Variants in LINGO1 observed in about 807,000 individuals in gnomAD.
The protein encoded by LINGO1 is leucine-rich repeat and immunoglobulin-like domain-containing nogo receptor-interacting protein 1.
In LINGO1, 11 loss-of-function variants were observed where a neutral mutation model predicts 37.3. That is an observed-to-expected ratio of 0.29 (90% CI 0.19 to 0.49). The LOEUF is 0.49. LINGO1 is among the 20% of genes least tolerant of loss of function. The pLI, the probability that LINGO1 is intolerant of heterozygous loss-of-function variation, is 0.99. For missense variants in LINGO1, 585 were observed against 878.2 expected (o/e 0.67, Z 4.22); for synonymous variants, 387 against 403.0 (o/e 0.96, Z 0.48).
chr15:77,802,300 C>G (rs2076926321), intron 1 of LINGO1, among the ~76,000 whole-genome samples: 1 of 151,836 alleles, frequency 6.6e-6, no homozygotes, highest in Non-Finnish European at 1.5e-5. Flanking sequence ...TTGTCACTCT[C>G]GGGGATGACA....
In LINGO1 at chr15:77,756,882, G is replaced by A. The variant is rs144282750; in HGVS notation, c.-256-21829C>T. 6.0e-4 allele frequency among the ~76,000 whole-genome samples: 92 copies of A among 152,166 alleles called. 1 individual carries two copies. The East Asian group carries it at 0.016, about 27-fold the overall frequency. On this transcript the variant is annotated intron_variant, in intron 1 of 3. Coordinates refer to the LINGO1 transcript ENST00000561686. ...CCCCAATGCCAACGTGCACCACCTCGCACACAGACTCATCCATGTTCACAC... is the reference window on the plus strand; with the variant it reads ...CCCCAATGCCAACGTGCACCACCTCACACACAGACTCATCCATGTTCACAC...
At chr15:77,700,584 G>A (rs1028380555), upstream of LINGO1, among the ~76,000 whole-genome samples, 4 of 152,230 alleles carry the variant, frequency 2.6e-5, no homozygotes, top group Admixed American at 2.0e-4. Context: ...TGGAGGAGGT[G>A]ACTGGGGCCC....
At chr15:77,725,201 G>A (rs999131457) in intron 2 of LINGO1, among the ~76,000 whole-genome samples, 5 of 152,224 alleles carry the variant, frequency 3.3e-5, no homozygotes. Context: ...GGGGAATTCA[G>A]CCATGGGGGT....
intron 1 of LINGO1, among the ~76,000 whole-genome samples, chr15:77,776,533 G>GGAGA (rs2076653891): frequency 7.2e-6 from 1 of 138,944 alleles, no homozygotes; most frequent in Admixed American, 7.4e-5. Context: ...AGGAAGGGAG[G>GGAGA]GAGGGAGGGA....
intron 1 of LINGO1, among the ~76,000 whole-genome samples, chr15:77,747,587 G>A (rs1407844053): frequency 6.6e-6 from 1 of 152,182 alleles, no homozygotes; most frequent in Non-Finnish European, 1.5e-5. Flanking sequence ...AGCACACTCA[G>A]AACAGATCCC....
intron 2 of LINGO1, among the ~76,000 whole-genome samples, chr15:77,702,513 C>G (rs946599343): frequency 4.6e-5 from 7 of 152,204 alleles, no homozygotes; most frequent in Non-Finnish European, 7.4e-5. Flanking sequence ...CAACAAAACA[C>G]AGGCTGCATG....
chr15:77,722,307 A>G (rs2076058818), intron 2 of LINGO1, among the ~76,000 whole-genome samples: 2 of 152,210 alleles, frequency 1.3e-5, no homozygotes, highest in African/African-American at 4.8e-5. Context: ...AGGCCCAGGA[A>G]CTAGACTGTC....
chr15:77,653,068 G>A (rs368948863), intron 3 of LINGO1, among the ~76,000 whole-genome samples: 4 of 152,208 alleles, frequency 2.6e-5, no homozygotes, highest in East Asian at 3.8e-4. Flanking sequence ...GTCAAAGGTG[G>A]GGACACGGAC....
At chr15:77,627,024 C>A (rs1446884212) in intron 1 of LINGO1, among the ~76,000 whole-genome samples, 1 of 151,260 alleles carries the variant, frequency 6.6e-6, no homozygotes, top group East Asian at 1.9e-4. Context: ...AGGCCCCCAC[C>A]CCCTCCCAGA....
rs985923865 is a variant in LINGO1 at position 77,803,787 on chromosome 15, T to C, written c.-457-7734A>G. ...GCCATGAGTAAAAGCTCCTGAGGCCTCCCCAGAAGCTGAGCAGATGTTGCC... is the reference window on the plus strand; with the variant it reads ...GCCATGAGTAAAAGCTCCTGAGGCCCCCCCAGAAGCTGAGCAGATGTTGCC... On this transcript the variant is annotated intron_variant, in intron 1 of 5. Coordinates refer to the LINGO1 transcript ENST00000562933. Among the ~76,000 whole-genome samples, 32 of 152,280 alleles carry C rather than the reference T, an allele frequency of 2.1e-4. No individual in the cohort carries two copies. In the East Asian group the frequency reaches 6.0e-3, roughly 28 times the overall value.
At chr15:77,671,525 G>A (rs76524871) in intron 3 of LINGO1, among the ~76,000 whole-genome samples, 2,228 of 152,332 alleles carry the variant, frequency 0.015, 55 homozygotes, top group African/African-American at 0.051. Context: ...TCAGTGCCCC[G>A]GGGCAGAGTG....
At chr15:77,628,329 TA>T (rs568573721) in intron 1 of LINGO1, among the ~76,000 whole-genome samples, 1 of 152,210 alleles carries the variant, frequency 6.6e-6, no homozygotes, top group Non-Finnish European at 1.5e-5. Flanking sequence ...AGGAGAATGT[TA>T]ATTACACTTT....
intron 1 of LINGO1, among the ~76,000 whole-genome samples, chr15:77,626,974 G>A (rs1029244822): frequency 3.6e-4 from 13 of 36,054 alleles, no homozygotes; most frequent in Non-Finnish European, 4.2e-4. Flanking sequence ...CCCCCCATCC[G>A]CAGCCCTGCA....
chr15:77,807,438 G>C (rs2076969234), intron 1 of LINGO1, among the ~76,000 whole-genome samples: 3 of 152,228 alleles, frequency 2.0e-5, no homozygotes. Context: ...GGGTGCAGCA[G>C]CCAGTCCTGG....
intron 1 of LINGO1, among the ~76,000 whole-genome samples, chr15:77,768,154 G>A (rs1358432563): frequency 6.6e-6 from 1 of 152,138 alleles, no homozygotes; most frequent in African/African-American, 2.4e-5. Flanking sequence ...TCACTGTCCT[G>A]TGTACACCCA....
intron 2 of LINGO1, among the ~76,000 whole-genome samples, chr15:77,713,351 TACAAGCGTGAGCC>T (rs774297308): frequency 2.6e-5 from 4 of 151,844 alleles, no homozygotes; most frequent in Non-Finnish European, 5.9e-5. Context: ...GTGCTGGGAT[TACAAGCGTGAGCC>T]ACTGTGCCCA....
intron 1 of LINGO1, among the ~76,000 whole-genome samples, chr15:77,798,560 A>G (rs952127739): frequency 5.3e-5 from 8 of 152,224 alleles, no homozygotes; most frequent in Admixed American, 2.0e-4. Flanking sequence ...ATGGGGCCAC[A>G]GGCAGAGCGT....
chr15:77,782,212 TACACACACACACACACACAC>T lies in LINGO1; in HGVS notation c.-257+4637_-257+4656del, dbSNP rs56734688. Among the ~76,000 whole-genome samples, 524 of 150,154 alleles carry T rather than the reference TACACACACACACACACACAC, an allele frequency of 3.5e-3. 4 individuals carry two copies. Among genetic ancestry groups the T allele is most frequent in the Middle Eastern group, 0.031 (9 of 290 alleles). ...CACGATGCTCAAGTGTGCGCACGCG[TACACACACACACACACACAC>T]ACACACACACACACGTGCCCGCATA... On this transcript the variant is annotated intron_variant, in intron 1 of 3. Coordinates refer to the LINGO1 transcript ENST00000561686.
intron 2 of LINGO1, among the ~76,000 whole-genome samples, chr15:77,686,302 C>A (rs2075509350): frequency 6.6e-6 from 1 of 152,142 alleles, no homozygotes; most frequent in Admixed American, 6.5e-5. Flanking sequence ...GGCCCAGACT[C>A]CCCTGACTGG....
Sources: allele counts gnomAD v4.1 joint callset (sites outside exome capture counted in the v4.1 genomes callset), GRCh38; gene constraint gnomAD v4.1.1; transcripts MANE v1.5; gene names NCBI Gene and HGNC (gene_info 2026-07-23, HGNC 2026-07-21).